SIM1: variants seen among roughly 807,000 people sequenced by gnomAD.
SIM1 encodes the protein SIM bHLH transcription factor 1.
SIM1 carries 18 observed loss-of-function variants against 78.2 expected under a neutral mutation model. That is an observed-to-expected ratio of 0.23 (90% CI 0.16 to 0.34). SIM1 has a LOEUF of 0.34. Ranked by LOEUF, SIM1 falls within the 10% of genes least tolerant of loss-of-function variation. The pLI, the probability that SIM1 is intolerant of heterozygous loss-of-function variation, is 1.00. For missense variants in SIM1, 939 were observed against 975.1 expected, an observed-to-expected ratio of 0.96 and a Z score of 0.49; for synonymous variants, 417 against 385.2, an observed-to-expected ratio of 1.08 and a Z score of -0.97.
At chr6:100,401,673 A>G (rs1770919757) in intron 10 of SIM1, among the ~76,000 whole-genome samples, 1 of 152,170 alleles carries the variant, frequency 6.6e-6, no homozygotes, top group South Asian at 2.1e-4. Context: ...GTACAATTAT[A>G]CTATTCTTGC....
chr6:100,390,541 G>A lies in SIM1; in HGVS notation c.2121C>T (p.Asp707=). ...NCFGSHRQYF[D]KHAYTLTGYA... ...ATCCAGTTAATGTGTAAGCATGCTT[G>A]TCAAAATACTGCCGGTGAGAGCCAA... The change falls in exon 12 of 12, where the codon GAC becomes GAT. Residue 707 remains aspartate (D), a synonymous_variant. Coordinates refer to ENST00000369208, the MANE Select transcript of SIM1 (RefSeq NM_005068.3). 1 of 1,614,186 alleles carries A rather than the reference G, an allele frequency of 6.2e-7. No individual in the cohort carries two copies. Among genetic ancestry groups the A allele is most frequent in the Non-Finnish European group, 8.5e-7 (1 of 1,180,016 alleles).
In SIM1 at chr6:100,463,368, G is replaced by T. The variant is rs952068103; in HGVS notation, c.101C>A (p.Thr34Asn). Residue 34 changes from threonine to asparagine, a missense_variant, in exon 2 of 12, where the codon ACC becomes AAC. By Grantham distance (65) the Thr-to-Asn change is moderately conservative (BLOSUM62 0). Coordinates refer to ENST00000369208, the MANE Select transcript of SIM1 (RefSeq NM_005068.3). ...AKLLPLPSAITSQLDKASIIR... is the reference protein window; with the variant it reads ...AKLLPLPSAINSQLDKASIIR... Reference sequence around the variant, plus strand: ...TATGGATGCTTTGTCCAGCTGCGAGGTGATAGCCGAGGGCAAAGGCAGTAA... The same window carrying T: ...TATGGATGCTTTGTCCAGCTGCGAGTTGATAGCCGAGGGCAAAGGCAGTAA... 1 of 1,613,992 alleles carries T rather than the reference G, an allele frequency of 6.2e-7. No homozygotes were observed. Among genetic ancestry groups the T allele is most frequent in the African/African-American group, 1.3e-5 (1 of 74,912 alleles).
chr6:100,455,582 C>A (rs974243255), intron 2 of SIM1, among the ~76,000 whole-genome samples: 1 of 152,212 alleles, frequency 6.6e-6, no homozygotes, highest in Non-Finnish European at 1.5e-5. Flanking sequence ...GGAGGCCACA[C>A]GGGGGAAAGG....
At chr6:100,448,704 ACT>A (rs1772430044) in intron 6 of SIM1, 26 bp from the exon 7 acceptor site, 1 of 1,594,544 alleles carries the variant, frequency 6.3e-7, no homozygotes, top group African/African-American at 1.3e-5. Flanking sequence ...AGGGAGGGAG[ACT>A]CAGCCACAGG....
intron 10 of SIM1, among the ~76,000 whole-genome samples, chr6:100,419,444 C>T (rs993971662): frequency 5.9e-5 from 9 of 152,164 alleles, no homozygotes; most frequent in African/African-American, 1.9e-4. Flanking sequence ...TTAGTGACCA[C>T]TGGTTCAGTG....
At chr6:100,433,453 CTT>C in intron 9 of SIM1, among the ~76,000 whole-genome samples, 1 of 152,160 alleles carries the variant, frequency 6.6e-6, no homozygotes, top group Admixed American at 6.5e-5. Flanking sequence ...ATTTATGAAT[CTT>C]TAGAGAAACC....
chr6:100,437,747 GACA>G (rs1772094026), intron 9 of SIM1, among the ~76,000 whole-genome samples: 3 of 152,234 alleles, frequency 2.0e-5, no homozygotes, highest in African/African-American at 7.2e-5. Flanking sequence ...GAGTATCAAT[GACA>G]ACAGTGAAAA....
rs544017908 is a variant in SIM1 at position 100,437,013 on chromosome 6, G to A, written c.998+10255C>T. ...AGCCTCTCAAAGTGCTGGGATGACA[G>A]GCATGAGCCACCACACTCGGCCCAT... On this transcript the variant is annotated intron_variant, in intron 9 of 11. Coordinates refer to ENST00000369208, the MANE Select transcript of SIM1 (RefSeq NM_005068.3). Among the ~76,000 whole-genome samples, 19 of 152,238 alleles carry A rather than the reference G, an allele frequency of 1.2e-4. No individual in the cohort carries two copies. In the East Asian group the frequency reaches 3.7e-3, roughly 29 times the overall value.
chr6:100,420,869 G>A lies in SIM1; in HGVS notation c.1088C>T (p.Thr363Ile), dbSNP rs1295480122. The change falls in exon 10 of 12, where the codon ACC becomes ATC. Residue 363 changes from threonine to isoleucine, a missense_variant. Thr to Ile is a moderately conservative substitution (Grantham distance 89). Coordinates refer to ENST00000369208, the MANE Select transcript of SIM1 (RefSeq NM_005068.3). ...GGCCCCCTTTCTGTTGTCAGTCATG[G>A]TGGGGGTGGAGCTGCTGGTATAGGA... The part of the protein sequence containing the change: ...AFSYTSSSTP[T>I]MTDNRKGAKS... 6.2e-7 allele frequency: 1 copy of A among 1,613,958 alleles called. No homozygotes were observed. Among genetic ancestry groups the A allele is most frequent in the East Asian group, 2.2e-5 (1 of 44,882 alleles).
In SIM1 at chr6:100,402,542, T is replaced by C. The variant is rs1299988182; in HGVS notation, c.1168-8653A>G. On this transcript the variant is annotated intron_variant, in intron 10 of 11. Transcript: ENST00000369208. ...ATGGTTCTCCTAGCCTTTCTTGGTA[T>C]TGACATTATTTTCTTTTCTTTTCTC... 1.1e-4 allele frequency among the ~76,000 whole-genome samples: 16 copies of C among 149,558 alleles called. No individual in the cohort carries two copies. The Admixed American group carries it at 1.1e-3, about 10-fold the overall frequency.
chr6:100,455,934 C>A (rs183901735), intron 2 of SIM1, among the ~76,000 whole-genome samples: 3 of 152,278 alleles, frequency 2.0e-5, no homozygotes, highest in Admixed American at 2.0e-4. Flanking sequence ...TTTGTTGTTT[C>A]GGGTTTCGGC....
At position 100,449,572 on chromosome 6, in the gene SIM1, A is replaced by G. The variant is rs200693711; in HGVS notation, c.457+19T>C. On this transcript the variant is annotated intron_variant, in intron 5 of 11. Transcript: ENST00000369208. Reference sequence around the variant, plus strand: ...GGACTGCGATGGGCCTGAGCGTCGCAGGCATGTGTCTACCTTACCCTGCAC... The same window carrying G: ...GGACTGCGATGGGCCTGAGCGTCGCGGGCATGTGTCTACCTTACCCTGCAC... 149 of 1,606,256 alleles carry G rather than the reference A, an allele frequency of 9.3e-5. 1 individual carries two copies. The East Asian group carries it at 3.0e-3, about 32-fold the overall frequency.
At chr6:100,455,100 T>G (rs1772612357) in intron 2 of SIM1, among the ~76,000 whole-genome samples, 1 of 152,070 alleles carries the variant, frequency 6.6e-6, no homozygotes, top group African/African-American at 2.4e-5. Flanking sequence ...AACATGGAGT[T>G]GGATTTTTTA....
intron 2 of SIM1, among the ~76,000 whole-genome samples, chr6:100,456,595 G>A (rs1267122466): frequency 6.6e-6 from 1 of 152,192 alleles, no homozygotes; most frequent in Non-Finnish European, 1.5e-5. Flanking sequence ...AGTGGCCGAA[G>A]ACAAAGGAAA....
At chr6:100,412,627 A>G (rs145511615) in intron 10 of SIM1, among the ~76,000 whole-genome samples, 1 of 114,906 alleles carries the variant, frequency 8.7e-6, no homozygotes, top group African/African-American at 3.1e-5. Flanking sequence ...AAAGAAGGAA[A>G]GAAAGAAAGA....
At chr6:100,419,354 A>G (rs1267509448) in intron 10 of SIM1, among the ~76,000 whole-genome samples, 1 of 152,180 alleles carries the variant, frequency 6.6e-6, no homozygotes, top group Non-Finnish European at 1.5e-5. Context: ...CATGTGACAT[A>G]AGTCTCTTAG....
Position 100,463,510 on chromosome 6 carries a change from A to C in SIM1, c.-42T>G, listed in dbSNP as rs767211639. On this transcript the variant is annotated 5_prime_UTR_variant, in exon 2 of 12. Coordinates refer to ENST00000369208, the MANE Select transcript of SIM1 (RefSeq NM_005068.3). ...TTTCTTCTCACAACTTAAGCTCCGC[A>C]GATTCATCCAAAACCAAAAATAAAC... 2 of 1,540,882 alleles carry C rather than the reference A, an allele frequency of 1.3e-6. No individual in the cohort carries two copies. Among genetic ancestry groups the C allele is most frequent in the Non-Finnish European group, 1.8e-6 (2 of 1,134,164 alleles).
intron 3 of SIM1, among the ~76,000 whole-genome samples, chr6:100,453,073 G>T (rs2114547029): frequency 6.6e-6 from 1 of 152,304 alleles, no homozygotes; most frequent in Non-Finnish European, 1.5e-5. Flanking sequence ...TGCCACCGGG[G>T]TTTTGCAATT....
rs1409180907 is a variant in SIM1, at chr6:100,393,549, G to T, written c.1508C>A (p.Pro503Gln). Residue 503 changes from proline (P) to glutamine (Q), a missense_variant, in exon 11 of 12, where the codon CCA (proline) becomes CAA (glutamine). Around this residue, in one of 5 missense-constraint regions of SIM1, gnomAD observed 556 missense variants for 521.9 expected, o/e 1.07. Coordinates refer to ENST00000369208, the MANE Select transcript of SIM1 (RefSeq NM_005068.3). ...RAALPLTKAS[P>Q]ESREAYENSM... ...GTTTTCATAGGCTTCTCTGCTTTCT[G>T]GGGAGGCCTTTGTCAGGGGCAAGGC... 1.2e-6 allele frequency: 2 copies of T among 1,604,394 alleles called. No homozygotes were observed. The highest frequency in any genetic ancestry group is 2.2e-5 in the South Asian group (2 of 90,586).
Sources: gnomAD v4.1 joint callset for allele counts (sites outside exome capture counted in the v4.1 genomes callset) on GRCh38, gnomAD v4.1.1 for gene constraint, gnomAD v4.1.1 regional missense constraint, MANE v1.5 for transcripts, NCBI Gene and HGNC (gene_info 2026-07-23, HGNC 2026-07-21) for gene names.